Variants in CNTNAP5 observed in about 807,000 individuals in gnomAD.
CNTNAP5 encodes the protein contactin associated protein family member 5, also known as contactin-associated protein-like 5.
CNTNAP5 carries 72 observed loss-of-function variants against 150.2 expected under a neutral mutation model. That is an observed-to-expected ratio of 0.48 (90% CI 0.40 to 0.58). The LOEUF (loss-of-function observed/expected upper bound fraction) is 0.58, where lower values mean the gene tolerates loss of function less well. Among genes scored for constraint, CNTNAP5 ranks in the 20% least tolerant of loss-of-function variants. The pLI is 0.00. For synonymous variants in CNTNAP5, 672 were observed against 619.8 expected (o/e 1.08, Z -1.25); for missense variants, 1,636 against 1,626.2 (o/e 1.01, Z -0.10).
intron 11 of CNTNAP5, among the ~76,000 whole-genome samples, chr2:124,590,296 T>G (rs1696650641): frequency 6.6e-6 from 1 of 152,198 alleles, no homozygotes; most frequent in Admixed American, 6.5e-5. Context: ...ATTTGTAACC[T>G]GTAGCAACCA....
chr2:124,720,975 A>C (rs956960423), intron 13 of CNTNAP5, among the ~76,000 whole-genome samples: 2 of 152,126 alleles, frequency 1.3e-5, no homozygotes, highest in African/African-American at 4.8e-5. Context: ...ATGCTGGTCC[A>C]TGCTCTTTGG....
intron 1 of CNTNAP5, among the ~76,000 whole-genome samples, chr2:124,124,620 C>T (rs1683642579): frequency 6.6e-6 from 1 of 151,976 alleles, no homozygotes; most frequent in African/African-American, 2.4e-5. Flanking sequence ...GTCAGATTCA[C>T]CAAAGTTGAA....
chr2:124,419,152 A>AAAAAAAAAACAC lies in CNTNAP5; in HGVS notation c.529+1571_529+1572insCACAAAAAAAAA, dbSNP rs1553466539. Among the ~76,000 whole-genome samples, 19 of 121,024 alleles carry AAAAAAAAAACAC rather than the reference A, an allele frequency of 1.6e-4. 2 individuals are homozygous for AAAAAAAAAACAC. The highest frequency in any genetic ancestry group is 5.1e-4 in the African/African-American group (18 of 35,288). 79.4% of individuals were successfully genotyped at this position (121,024 alleles called of 152,430 possible). A position where few individuals can be genotyped will look rare whatever the true frequency, so the allele number is the denominator to read the frequency against. On this transcript the variant is annotated intron_variant, in intron 4 of 23. Coordinates refer to ENST00000682447, the MANE Select transcript of CNTNAP5 (RefSeq NM_001367498.1). The stretch of plus-strand genomic sequence containing the variant: ...CGAGACTCCTTCTCAAAAAAAAAAA[A>AAAAAAAAAACAC]AAAAAAAAAAACAGTATGAAGCTTT...
At chr2:124,172,733 G>A (rs1394372074) in intron 1 of CNTNAP5, among the ~76,000 whole-genome samples, 1 of 151,198 alleles carries the variant, frequency 6.6e-6, no homozygotes, top group Non-Finnish European at 1.5e-5. Flanking sequence ...TCTTTACTTT[G>A]GTATGTTTGT....
intron 12 of CNTNAP5, among the ~76,000 whole-genome samples, chr2:124,627,902 C>T (rs1308799507): frequency 6.6e-6 from 1 of 152,146 alleles, no homozygotes; most frequent in Admixed American, 6.6e-5. Context: ...AAACACAGCA[C>T]AAGACAATCA....
intron 12 of CNTNAP5, among the ~76,000 whole-genome samples, chr2:124,632,485 T>C (rs1677884742): frequency 1.3e-5 from 2 of 150,394 alleles, no homozygotes; most frequent in South Asian, 4.2e-4. Flanking sequence ...TTCTCACTTA[T>C]AAGCAGGAGC....
intron 13 of CNTNAP5, among the ~76,000 whole-genome samples, chr2:124,693,172 C>G (rs747526581): frequency 6.6e-6 from 1 of 152,042 alleles, no homozygotes. Context: ...GGACCAAGTG[C>G]TTTAACCTTC....
chr2:124,076,377 T>C (rs892224246), intron 1 of CNTNAP5, among the ~76,000 whole-genome samples: 2 of 152,158 alleles, frequency 1.3e-5, no homozygotes, highest in African/African-American at 4.8e-5. Flanking sequence ...TACTTAAGAC[T>C]GTTTTCAAAG....
intron 19 of CNTNAP5, among the ~76,000 whole-genome samples, chr2:124,864,947 G>A (rs182847523): frequency 9.4e-4 from 143 of 152,256 alleles, no homozygotes; most frequent in African/African-American, 3.2e-3. Flanking sequence ...AAGAAAGAGA[G>A]TTATAGGAAG....
chr2:124,050,117 A>G (rs1213774361), intron 1 of CNTNAP5, among the ~76,000 whole-genome samples: 3 of 152,136 alleles, frequency 2.0e-5, no homozygotes, highest in Non-Finnish European at 4.4e-5. Flanking sequence ...CTTAATATCT[A>G]GTAGCTGTTC....
intron 3 of CNTNAP5, among the ~76,000 whole-genome samples, chr2:124,283,417 A>T (rs1167165007): frequency 1.3e-5 from 2 of 152,162 alleles, no homozygotes; most frequent in South Asian, 2.1e-4. Flanking sequence ...CTGCTGCAGC[A>T]CTGCTGTGAG....
intron 19 of CNTNAP5, among the ~76,000 whole-genome samples, chr2:124,852,771 G>A (rs1364099104): frequency 6.6e-6 from 1 of 152,212 alleles, no homozygotes; most frequent in Non-Finnish European, 1.5e-5. Flanking sequence ...TGAAGACCTG[G>A]AAAGAAGTGC....
At chr2:124,213,973 A>G (rs1165509174) in intron 1 of CNTNAP5, among the ~76,000 whole-genome samples, 2 of 152,206 alleles carry the variant, frequency 1.3e-5, no homozygotes, top group African/African-American at 4.8e-5. Context: ...CTGCCGTCAT[A>G]TTAGAGTTTA....
chr2:124,100,132 G>A (rs1361437130), intron 1 of CNTNAP5, among the ~76,000 whole-genome samples: 1 of 151,898 alleles, frequency 6.6e-6, no homozygotes, highest in Non-Finnish European at 1.5e-5. Context: ...CAATCATGGT[G>A]GAAGGAAAAG....
At chr2:124,845,521 C>T (rs897634358) in intron 19 of CNTNAP5, among the ~76,000 whole-genome samples, 5 of 150,844 alleles carry the variant, frequency 3.3e-5, no homozygotes, top group Non-Finnish European at 2.9e-5. Flanking sequence ...GGAAGGATGC[C>T]TTCTTTCTCT....
At chr2:124,525,837 A>T (rs189635144) in intron 9 of CNTNAP5, among the ~76,000 whole-genome samples, 1 of 152,314 alleles carries the variant, frequency 6.6e-6, no homozygotes, top group East Asian at 1.9e-4. Context: ...AGATAATAAG[A>T]CTGGTGTTTG....
chr2:124,078,908 A>G (rs1189006623), intron 1 of CNTNAP5, among the ~76,000 whole-genome samples: 2 of 152,198 alleles, frequency 1.3e-5, no homozygotes, highest in African/African-American at 4.8e-5. Context: ...TGAAAGGTAG[A>G]GAGGAATCTC....
At chr2:124,900,885 A>G (rs918944279) in intron 21 of CNTNAP5, among the ~76,000 whole-genome samples, 6 of 151,632 alleles carry the variant, frequency 4.0e-5, no homozygotes, top group Non-Finnish European at 5.9e-5. Flanking sequence ...TAGCTAATGC[A>G]TATTCTGAAT....
At chr2:124,476,565 C>G (rs1693645518) in intron 7 of CNTNAP5, among the ~76,000 whole-genome samples, 1 of 152,106 alleles carries the variant, frequency 6.6e-6, no homozygotes, top group African/African-American at 2.4e-5. Flanking sequence ...CATGATAGCT[C>G]AGTAGCGGCA....
Sources: allele counts gnomAD v4.1 joint callset (sites outside exome capture counted in the v4.1 genomes callset), GRCh38; gene constraint gnomAD v4.1.1; transcripts MANE v1.5; gene names NCBI Gene and HGNC (gene_info 2026-07-23, HGNC 2026-07-21).